PREX1: variants seen among roughly 807,000 people sequenced by gnomAD.
PREX1 encodes the protein phosphatidylinositol 3,4,5-trisphosphate-dependent Rac exchanger 1 protein.
Under a neutral mutation model 198.3 loss-of-function variants are expected in PREX1, and 41 were observed. The ratio of observed to expected loss-of-function variants is 0.21; its 90% CI spans 0.16 to 0.27. The LOEUF (loss-of-function observed/expected upper bound fraction) is 0.27. PREX1 is among the 10% of genes least tolerant of loss of function. The pLI, the probability that PREX1 is intolerant of heterozygous loss-of-function variation, is 1.00. For synonymous variants in PREX1, 843 were observed against 887.2 expected (o/e 0.95, Z 0.89); for missense variants, 1,620 against 2,200.7 (o/e 0.74, Z 5.28).
At chr20:48,884,576 G>A in the PREX1 span, among the ~76,000 whole-genome samples, 1 of 152,130 alleles carries the variant, frequency 6.6e-6, no homozygotes, top group African/African-American at 2.4e-5. Context: ...GAAAACATTG[G>A]AATAAATATT....
rs373231511 is a variant in PREX1 at position 48,657,068 on chromosome 20, G to A, written c.2095C>T (p.Arg699Cys). 257 of 1,603,186 alleles carry A rather than the reference G, an allele frequency of 1.6e-4. No homozygotes were observed. The African/African-American group carries it at 2.7e-3, about 17-fold the overall frequency. ...TTGGCCTTCGTGGCCACCAGGAGGC[G>A]CAGAGGGCGGCGGGAGCAGAAGGAC... is the stretch of plus-strand genomic sequence containing the variant. ...NQSFCSRRPL[R>C]LLVATKAKEI... is the part of the protein sequence containing the mutation. The change falls in exon 18 of 40, where the codon CGC becomes TGC. Residue 699 changes from arginine to cysteine, a missense_variant. Coordinates refer to ENST00000371941, the MANE Select transcript of PREX1 (RefSeq NM_020820.4).
rs544634720 is a variant in PREX1, at chr20:48,812,411, A to C, written c.219+15231T>G. On this transcript the variant is annotated intron_variant, in intron 1 of 39. Coordinates refer to ENST00000371941, the MANE Select transcript of PREX1 (RefSeq NM_020820.4). ...TAAATAATATAAGAGGAATGGGTAA[A>C]TAATGTAAGAGGAATGGGTAAATAA... Among the ~76,000 whole-genome samples the C allele has an allele frequency of 1.5e-3, 223 of 151,634 alleles. 4 individuals are homozygous for C. The highest frequency in any genetic ancestry group is 5.3e-3 in the African/African-American group (218 of 41,322).
intron 25 of PREX1, among the ~76,000 whole-genome samples, chr20:48,646,819 T>C (rs1279029119): frequency 6.6e-6 from 1 of 152,222 alleles, no homozygotes; most frequent in East Asian, 1.9e-4. Context: ...AAACCCCAGA[T>C]TCAAATCCCA....
chr20:48,767,518 TA>T (rs3092564), intron 1 of PREX1, among the ~76,000 whole-genome samples: 9,731 of 152,204 alleles, frequency 0.064, 440 homozygotes, highest in South Asian at 0.18. Flanking sequence ...AGTTTCCACC[TA>T]ACTCAGAGAA....
At chr20:48,631,838 C>T (rs78421082) in intron 35 of PREX1, among the ~76,000 whole-genome samples, 3,212 of 152,190 alleles carry the variant, frequency 0.021, 53 homozygotes, top group Non-Finnish European at 0.025. Flanking sequence ...CCTGCTCTCA[C>T]CCCTCCTCCC....
At chr20:48,866,528 C>T in the PREX1 span, among the ~76,000 whole-genome samples, 2 of 152,200 alleles carry the variant, frequency 1.3e-5, no homozygotes, top group Non-Finnish European at 2.9e-5. Flanking sequence ...TCATAGAGGA[C>T]ACCAAAGTTT....
At chr20:48,791,149 GCA>G (rs11469380) in intron 1 of PREX1, among the ~76,000 whole-genome samples, 39,839 of 150,362 alleles carry the variant, frequency 0.26, 6,085 homozygotes, top group Non-Finnish European at 0.33. Flanking sequence ...GCAGATTCAT[GCA>G]CACACACACA....
At chr20:48,854,696 C>T in the PREX1 span, among the ~76,000 whole-genome samples, 5 of 152,222 alleles carry the variant, frequency 3.3e-5, no homozygotes. Flanking sequence ...CGATCATCCT[C>T]ACTTTCCAGA....
Position 48,702,201 on chromosome 20 carries a change from C to CT in PREX1, c.784-1316dup, listed in dbSNP as rs1240124056. Among the ~76,000 whole-genome samples, 9 of 126,874 alleles carry CT rather than the reference C, an allele frequency of 7.1e-5. No homozygotes were observed. In the East Asian group the frequency reaches 1.9e-3, roughly 26 times the overall value. The allele number at this position is 126,874 out of a possible 152,430, so 83.2% of individuals were successfully genotyped here. ...CCAGCCTGGGCGACTGAGCAGGACT[C>CT]TGTCTAAAAAAAAAAAAAAAAAAGA... is the stretch of plus-strand genomic sequence containing the variant. On this transcript the variant is annotated intron_variant, in intron 6 of 39. Coordinates refer to ENST00000371941, the MANE Select transcript of PREX1 (RefSeq NM_020820.4).
chr20:48,658,722 A>G (rs935691496), intron 16 of PREX1, among the ~76,000 whole-genome samples: 1 of 152,216 alleles, frequency 6.6e-6, no homozygotes, highest in African/African-American at 2.4e-5. Flanking sequence ...AACAAAAGAA[A>G]TACAGGATGT....
At chr20:48,696,636 CAT>C (rs1235003344) in intron 7 of PREX1, among the ~76,000 whole-genome samples, 187 of 151,220 alleles carry the variant, frequency 1.2e-3, no homozygotes, top group African/African-American at 4.1e-3. Flanking sequence ...TACATACATA[CAT>C]ACACACATAC....
chr20:48,797,615 C>T (rs2122997130), intron 1 of PREX1, among the ~76,000 whole-genome samples: 1 of 152,258 alleles, frequency 6.6e-6, no homozygotes, highest in South Asian at 2.1e-4. Context: ...TGATCTTCCC[C>T]AGAGAGAAAG....
At chr20:48,758,616 T>C (rs6066844) in intron 1 of PREX1, among the ~76,000 whole-genome samples, 10,975 of 152,212 alleles carry the variant, frequency 0.072, 497 homozygotes, top group South Asian at 0.18. Context: ...AATCTCTACA[T>C]GTGCAGGGCT....
rs751340344 is a variant in PREX1, at chr20:48,636,598, C to T, written c.4032G>A (p.Ala1344=). Residue 1344 remains alanine, a synonymous_variant, in exon 32 of 40, where the codon GCG becomes GCA. Coordinates refer to ENST00000371941, the MANE Select transcript of PREX1 (RefSeq NM_020820.4). The part of the protein sequence containing the change: ...AVCTFSKQLL[A]ALGYRYNNNG... ...TGTTGTTGTAGCGGTAGCCCAGGGC[C>T]GCCAGCAGCTGCTTGGAGAAGGTGC... 19 of 1,611,656 alleles carry T rather than the reference C, an allele frequency of 1.2e-5. No homozygotes were observed. Among genetic ancestry groups the T allele is most frequent in the African/African-American group, 1.1e-4 (8 of 74,928 alleles).
chr20:48,776,437 AG>A (rs1421777395), intron 1 of PREX1, among the ~76,000 whole-genome samples: 1 of 152,100 alleles, frequency 6.6e-6, no homozygotes, highest in Admixed American at 6.5e-5. Flanking sequence ...CAGCTGTGGG[AG>A]GGGATGGCAG....
At chr20:48,872,460 G>A in the PREX1 span, among the ~76,000 whole-genome samples, 1 of 152,074 alleles carries the variant, frequency 6.6e-6, no homozygotes, top group African/African-American at 2.4e-5. Flanking sequence ...AACAAGATAA[G>A]TGGCCGGGAT....
chr20:48,656,470 T>TGAG (rs1243941276), intron 18 of PREX1: 14 of 456,488 alleles, frequency 3.1e-5, no homozygotes, highest in Non-Finnish European at 4.8e-5. Flanking sequence ...GCCCTCCCTC[T>TGAG]CACTCACTGC....
intron 1 of PREX1, 133 bp from the exon 2 acceptor site, chr20:48,748,013 G>T: frequency 1.3e-6 from 1 of 783,870 alleles, no homozygotes; most frequent in East Asian, 2.8e-5. Flanking sequence ...CACAGGCAGA[G>T]GACGAGGAAA....
In PREX1 at chr20:48,818,652, C is replaced by T. The variant is rs1345332472; in HGVS notation, c.219+8990G>A. Among the ~76,000 whole-genome samples, 6 of 152,344 alleles carry T rather than the reference C, an allele frequency of 3.9e-5. No individual in the cohort carries two copies. In the East Asian group the frequency reaches 7.7e-4, roughly 20 times the overall value. ...CAGGAAGTGGGCCTGAAAAATCCAT[C>T]CCCCACAGGGCAGAGGTGAGAGCTA... On this transcript the variant is annotated intron_variant, in intron 1 of 39. Transcript: ENST00000371941.
Sources: allele counts gnomAD v4.1 joint callset (sites outside exome capture counted in the v4.1 genomes callset), GRCh38; gene constraint gnomAD v4.1.1; transcripts MANE v1.5; gene names NCBI Gene and HGNC (gene_info 2026-07-23, HGNC 2026-07-21).